Variants in PDZD2 observed in about 807,000 individuals in gnomAD.
The protein encoded by PDZD2 is PDZ domain-containing protein 2.
In PDZD2, 90 loss-of-function variants were observed where a neutral mutation model predicts 220.7. That is an observed-to-expected ratio of 0.41 (90% CI 0.34 to 0.49). PDZD2 has a LOEUF of 0.49. PDZD2 is among the 20% of genes least tolerant of loss of function. The probability of loss-of-function intolerance (pLI) is 0.28; values close to 1 mark genes in which losing one functional copy is unlikely to be tolerated. For synonymous variants in PDZD2, 1,375 were observed against 1,450.5 expected, an observed-to-expected ratio of 0.95 and a Z score of 1.18; for missense variants, 3,174 against 3,608.5, an observed-to-expected ratio of 0.88 and a Z score of 3.08.
chr5:32,086,026 TG>T lies in PDZD2; in HGVS notation c.3683-1104del, dbSNP rs777540269. On this transcript the variant is annotated intron_variant, in intron 19 of 24. Transcript: ENST00000438447. ...AAACTCCCCTTGTCAGCCCCATTCATGTCCCCACCTCCTCTGTCAAGTCTTC... is the reference window on the plus strand; with the variant it reads ...AAACTCCCCTTGTCAGCCCCATTCATTCCCCACCTCCTCTGTCAAGTCTTC... Among the ~76,000 whole-genome samples, 6 of 152,278 alleles carry T rather than the reference TG, an allele frequency of 3.9e-5. No homozygotes were observed. In the East Asian group the frequency reaches 7.7e-4, roughly 20 times the overall value.
intron 2 of PDZD2, among the ~76,000 whole-genome samples, chr5:31,839,233 T>A (rs913103684): frequency 6.6e-6 from 1 of 152,218 alleles, no homozygotes; most frequent in African/African-American, 2.4e-5. Context: ...AATTTATCTT[T>A]GTAGTGCTCC....
chr5:32,017,574 C>T (rs1182871215), intron 6 of PDZD2, among the ~76,000 whole-genome samples: 3 of 152,148 alleles, frequency 2.0e-5, no homozygotes, highest in Non-Finnish European at 4.4e-5. Context: ...ATAAGAATAT[C>T]AGTGATTTAG....
intron 2 of PDZD2, among the ~76,000 whole-genome samples, chr5:31,840,053 C>G (rs1267663080): frequency 1.3e-5 from 2 of 151,846 alleles, no homozygotes; most frequent in African/African-American, 4.8e-5. Context: ...ACTAGTAAAC[C>G]CTGTATCTAC....
At chr5:31,797,814 C>T (rs1309907518) in intron 1 of PDZD2, among the ~76,000 whole-genome samples, 1 of 152,142 alleles carries the variant, frequency 6.6e-6, no homozygotes, top group Non-Finnish European at 1.5e-5. Flanking sequence ...CTTCTGACAC[C>T]TCTCCCATGC....
At chr5:31,722,115 A>G (rs1322085802) in intron 1 of PDZD2, among the ~76,000 whole-genome samples, 3 of 152,090 alleles carry the variant, frequency 2.0e-5, no homozygotes, top group Non-Finnish European at 4.4e-5. Context: ...ACAACCTCAC[A>G]TTGCTTTTCT....
intron 13 of PDZD2, among the ~76,000 whole-genome samples, 176 bp from the exon 14 acceptor site, chr5:32,060,826 A>C (rs1739611333): frequency 6.6e-6 from 1 of 152,186 alleles, no homozygotes; most frequent in African/African-American, 2.4e-5. Flanking sequence ...CTTAAAATCG[A>C]ATGTGTTTTT....
In PDZD2 at chr5:31,766,732, A is replaced by ATTTT. The variant is rs35486584; in HGVS notation, c.-360-32145_-360-32142dup. Among the ~76,000 whole-genome samples the ATTTT allele has an allele frequency of 1.6e-3, 226 of 143,848 alleles. 2 individuals are homozygous for ATTTT. The highest frequency in any genetic ancestry group is 5.5e-3 in the African/African-American group (214 of 38,990). The allele number at this position is 143,848 out of a possible 152,430, so 94.4% of individuals were successfully genotyped here. A position where few individuals can be genotyped will look rare whatever the true frequency, so the allele number is the denominator to read the frequency against. Reference sequence around the variant, plus strand: ...AGTTCTTTTTTAAACCTTAAGCAGAATTTTTTTTTTTTTTTGAGACAGAGT... The same window carrying ATTTT: ...AGTTCTTTTTTAAACCTTAAGCAGAATTTTTTTTTTTTTTTTTTTGAGACAGAGT... On this transcript the variant is annotated intron_variant, in intron 1 of 24. Transcript: ENST00000438447.
At chr5:32,007,025 C>T (rs1752880094) in intron 5 of PDZD2, among the ~76,000 whole-genome samples, 1 of 147,098 alleles carries the variant, frequency 6.8e-6, no homozygotes, top group Admixed American at 7.1e-5. Context: ...ACGCCATTCT[C>T]CTGCCTCAGC....
intron 2 of PDZD2, among the ~76,000 whole-genome samples, chr5:31,927,458 A>G (rs1304651466): frequency 6.6e-6 from 1 of 152,080 alleles, no homozygotes; most frequent in South Asian, 2.1e-4. Context: ...TATCTCGCTC[A>G]CTGCAGCCTT....
chr5:31,768,663 G>A (rs1233337195), intron 1 of PDZD2, among the ~76,000 whole-genome samples: 1 of 149,596 alleles, frequency 6.7e-6, no homozygotes, highest in African/African-American at 2.5e-5. Context: ...AAAAAACTGA[G>A]ACACAAGATC....
chr5:31,740,677 T>C (rs1750204951), intron 1 of PDZD2, among the ~76,000 whole-genome samples: 1 of 152,152 alleles, frequency 6.6e-6, no homozygotes, highest in Non-Finnish European at 1.5e-5. Context: ...GAGAAGTCTA[T>C]GATCTTGGCT....
chr5:31,791,321 T>G (rs529025316), intron 1 of PDZD2, among the ~76,000 whole-genome samples: 322 of 152,166 alleles, frequency 2.1e-3, no homozygotes, highest in Non-Finnish European at 3.9e-3. Flanking sequence ...CCAGGCGCAG[T>G]GGCTCACGCC....
At chr5:31,962,058 C>T (rs545861292) in intron 2 of PDZD2, among the ~76,000 whole-genome samples, 1 of 152,294 alleles carries the variant, frequency 6.6e-6, no homozygotes, top group East Asian at 1.9e-4. Flanking sequence ...GAACTTTAGC[C>T]ATATGAAAGG....
rs1240444397 is a variant in PDZD2 at position 32,041,715 on chromosome 5, A to G, written c.1519+4373A>G. On this transcript the variant is annotated intron_variant, in intron 7 of 24. Transcript: ENST00000438447. The stretch of plus-strand genomic sequence containing the variant: ...GGACACAAACACTGCGGAAGGCCAC[A>G]GGGACCTCTGCCTAGGAAAACCAGA... Among the ~76,000 whole-genome samples the G allele has an allele frequency of 2.6e-5, 4 of 152,052 alleles. No homozygotes were observed. The East Asian group carries it at 7.7e-4, about 29-fold the overall frequency.
intron 1 of PDZD2, among the ~76,000 whole-genome samples, chr5:31,651,074 T>G (rs1745331649): frequency 6.6e-6 from 1 of 152,210 alleles, no homozygotes; most frequent in Non-Finnish European, 1.5e-5. Context: ...TTCCCTGTTG[T>G]TGGACCTCCT....
rs150288591 is a variant in PDZD2 at position 31,791,359 on chromosome 5, C to T, written c.-360-7530C>T. Among the ~76,000 whole-genome samples the T allele has an allele frequency of 2.3e-3, 351 of 151,782 alleles. 11 individuals are homozygous for T. In the East Asian group the frequency reaches 0.058, roughly 25 times the overall value. ...TAATCCCAGCACTTTGGGAGGCCGA[C>T]GCGGGCAGATCACCTGAGGTCAGGA... On this transcript the variant is annotated intron_variant, in intron 1 of 24. Transcript: ENST00000438447.
At chr5:32,047,369 G>T (rs1275840133) in intron 7 of PDZD2, among the ~76,000 whole-genome samples, 1 of 152,168 alleles carries the variant, frequency 6.6e-6, no homozygotes, top group Non-Finnish European at 1.5e-5. Context: ...ACAGATGCTT[G>T]TAGTGTAGCC....
intron 21 of PDZD2, among the ~76,000 whole-genome samples, chr5:32,095,048 G>A (rs1242830752): frequency 1.3e-5 from 2 of 152,184 alleles, no homozygotes; most frequent in Non-Finnish European, 2.9e-5. Context: ...GGGGTCACAC[G>A]TTGCCAGGCC....
intron 12 of PDZD2, 60 bp downstream of exon 12, chr5:32,058,163 G>T: frequency 1.1e-6 from 1 of 872,914 alleles, no homozygotes; most frequent in Non-Finnish European, 1.9e-6. Flanking sequence ...GGAATCTGTT[G>T]TTAGCTTAAT....
Sources: gnomAD v4.1 joint callset for allele counts (sites outside exome capture counted in the v4.1 genomes callset) on GRCh38, gnomAD v4.1.1 for gene constraint, MANE v1.5 for transcripts, NCBI Gene and HGNC (gene_info 2026-07-23, HGNC 2026-07-21) for gene names.